SOX5: variants seen among roughly 807,000 people sequenced by gnomAD.
The protein encoded by SOX5 is transcription factor SOX-5.
Under a neutral mutation model 92.0 loss-of-function variants are expected in SOX5, and 9 were observed. The ratio of observed to expected loss-of-function variants is 0.10; its 90% confidence interval spans 0.06 to 0.17. The LOEUF (loss-of-function observed/expected upper bound fraction) is 0.17, where lower values mean the gene tolerates loss of function less well. Among genes scored for constraint, SOX5 ranks in the 10% least tolerant of loss-of-function variants. The pLI, the probability that SOX5 is intolerant of heterozygous loss-of-function variation, is 1.00. For synonymous variants in SOX5, 344 were observed against 336.3 expected, an observed-to-expected ratio of 1.02 and a Z score of -0.25; for missense variants, 642 against 944.5, an observed-to-expected ratio of 0.68 and a Z score of 4.20.
chr12:23,718,082 A>ATTTTT (rs76843847), intron 6 of SOX5, among the ~76,000 whole-genome samples: 2 of 152,210 alleles, frequency 1.3e-5, no homozygotes, highest in Non-Finnish European at 2.9e-5. Context: ...TAATTTTTAA[A>ATTTTT]AACCTTTCTG....
chr12:24,400,527 A>G (rs2136627626), intron 1 of SOX5, among the ~76,000 whole-genome samples: 1 of 152,372 alleles, frequency 6.6e-6, no homozygotes, highest in East Asian at 1.9e-4. Context: ...GCCAGTACCA[A>G]GTCACAGTTG....
chr12:23,792,659 A>AAAAAAAAAAAC (rs2095496767), intron 3 of SOX5, among the ~76,000 whole-genome samples: 16 of 132,460 alleles, frequency 1.2e-4, no homozygotes, highest in African/African-American at 4.1e-4. Context: ...AAAAAAAAAA[A>AAAAAAAAAAAC]AAACTTGGAC....
intron 9 of SOX5, among the ~76,000 whole-genome samples, chr12:23,576,150 G>A (rs1949070564): frequency 1.3e-5 from 2 of 151,882 alleles, no homozygotes; most frequent in South Asian, 2.1e-4. Flanking sequence ...TTTGTATTGA[G>A]AGATATTACA....
At chr12:23,576,221 G>A (rs1949087847) in intron 9 of SOX5, among the ~76,000 whole-genome samples, 1 of 151,652 alleles carries the variant, frequency 6.6e-6, no homozygotes, top group Non-Finnish European at 1.5e-5. Context: ...AAAAGGGGTT[G>A]GATCTGATGC....
At chr12:24,095,128 C>G (rs10842274) in intron 4 of SOX5, among the ~76,000 whole-genome samples, 38,171 of 86,834 alleles carry the variant, frequency 0.44, 6,717 homozygotes, top group East Asian at 0.65. Context: ...CACACACACA[C>G]AGAGAGAGAG....
At chr12:24,460,611 C>G (rs1943517291) in intron 1 of SOX5, 1 of 152,186 alleles carries the variant, frequency 6.6e-6, no homozygotes, top group Non-Finnish European at 1.5e-5. Flanking sequence ...TTAGAAATCT[C>G]CCAGGTCCCT....
At chr12:23,826,014 C>T (rs561754763) in intron 3 of SOX5, among the ~76,000 whole-genome samples, 1 of 148,470 alleles carries the variant, frequency 6.7e-6, no homozygotes, top group East Asian at 2.3e-4. Flanking sequence ...TTGAGTTACA[C>T]TGTTTCATTT....
chr12:24,340,099 T>C (rs755813857), intron 2 of SOX5, among the ~76,000 whole-genome samples: 1 of 152,212 alleles, frequency 6.6e-6, no homozygotes, highest in Non-Finnish European at 1.5e-5. Flanking sequence ...CCTCCTCTCT[T>C]ACAGAGGCTC....
At chr12:24,286,758 C>G (rs1475971826) in intron 2 of SOX5, among the ~76,000 whole-genome samples, 1 of 152,160 alleles carries the variant, frequency 6.6e-6, no homozygotes, top group Non-Finnish European at 1.5e-5. Context: ...TTAAAATAAG[C>G]TATCCAGCAA....
At chr12:24,353,996 A>G (rs1045993918) in intron 2 of SOX5, among the ~76,000 whole-genome samples, 1 of 152,246 alleles carries the variant, frequency 6.6e-6, no homozygotes, top group African/African-American at 2.4e-5. Context: ...GTTACATTGA[A>G]TAATGAGGAA....
At chr12:24,354,115 A>C (rs2141195412) in intron 2 of SOX5, among the ~76,000 whole-genome samples, 1 of 152,360 alleles carries the variant, frequency 6.6e-6, no homozygotes, top group Middle Eastern at 3.4e-3. Flanking sequence ...AGACTGTGAA[A>C]AAATGCTCTG....
chr12:24,154,765 G>A (rs578132779), intron 4 of SOX5, among the ~76,000 whole-genome samples: 1 of 151,974 alleles, frequency 6.6e-6, no homozygotes, highest in South Asian at 2.1e-4. Flanking sequence ...AAGCATTTTT[G>A]TTTCTCTTCT....
intron 3 of SOX5, among the ~76,000 whole-genome samples, chr12:23,775,918 T>C (rs2095083641): frequency 6.6e-6 from 1 of 152,120 alleles, no homozygotes; most frequent in Non-Finnish European, 1.5e-5. Context: ...GAGGAACCAG[T>C]TTCATGCAAG....
intron 1 of SOX5, among the ~76,000 whole-genome samples, chr12:24,440,994 C>T (rs906925447): frequency 6.6e-6 from 1 of 152,200 alleles, no homozygotes; most frequent in Non-Finnish European, 1.5e-5. Flanking sequence ...CATGCATTCT[C>T]CTCTTACCAA....
intron 1 of SOX5, among the ~76,000 whole-genome samples, chr12:24,522,724 A>G (rs1302581712): frequency 6.6e-6 from 1 of 152,238 alleles, no homozygotes; most frequent in Non-Finnish European, 1.5e-5. Context: ...ACACCCTTTC[A>G]TGACAACAAC....
chr12:23,709,960 A>C (rs956240955), intron 6 of SOX5, among the ~76,000 whole-genome samples: 2 of 152,214 alleles, frequency 1.3e-5, no homozygotes, highest in Non-Finnish European at 2.9e-5. Context: ...AGCAGCTTGA[A>C]GTGAAAAGGA....
chr12:24,086,312 T>C (rs1283980399), intron 4 of SOX5, among the ~76,000 whole-genome samples: 1 of 151,970 alleles, frequency 6.6e-6, no homozygotes, highest in African/African-American at 2.4e-5. Flanking sequence ...TCAGAATTTG[T>C]TTCTCCTAAG....
chr12:23,691,434 T>C (rs2088789199), intron 6 of SOX5, among the ~76,000 whole-genome samples: 1 of 152,090 alleles, frequency 6.6e-6, no homozygotes, highest in Non-Finnish European at 1.5e-5. Flanking sequence ...TCTGGAAGAG[T>C]ATGTGATCAG....
chr12:23,969,285 T>C (rs1294375353), intron 4 of SOX5, among the ~76,000 whole-genome samples: 5 of 152,116 alleles, frequency 3.3e-5, no homozygotes, highest in African/African-American at 7.2e-5. Flanking sequence ...AATTTTCTCT[T>C]AATTAGTCTG....
Sources: gnomAD v4.1 joint callset for allele counts (sites outside exome capture counted in the v4.1 genomes callset) on GRCh38, gnomAD v4.1.1 for gene constraint, MANE v1.5 for transcripts, NCBI Gene and HGNC (gene_info 2026-07-23, HGNC 2026-07-21) for gene names.